CCDC141: variants seen among roughly 807,000 people sequenced by gnomAD.
CCDC141 encodes coiled-coil domain containing 141.
Under a neutral mutation model 181.0 loss-of-function variants are expected in CCDC141, and 168 were observed. That is an observed-to-expected ratio of 0.93 (90% CI 0.82 to 1.05). The LOEUF (loss-of-function observed/expected upper bound fraction) is 1.05. Ranked by LOEUF, CCDC141 falls within the 50% of genes least tolerant of loss-of-function variation. The pLI, the probability that CCDC141 is intolerant of heterozygous loss-of-function variation, is 0.00. For synonymous variants in CCDC141, 666 were observed against 642.3 expected (o/e 1.04, Z -0.56); for missense variants, 1,902 against 1,788.5 (o/e 1.06, Z -1.14).
intron 7 of CCDC141, among the ~76,000 whole-genome samples, chr2:178,913,656 G>A (rs1039279812): frequency 2.0e-5 from 3 of 152,118 alleles, no homozygotes; most frequent in African/African-American, 7.2e-5. Context: ...CTTCTTAAAG[G>A]ACATTAATGT....
intron 21 of CCDC141, among the ~76,000 whole-genome samples, chr2:178,846,948 G>A (rs62175453): frequency 0.16 from 24,906 of 152,172 alleles, 2,459 homozygotes; most frequent in Non-Finnish European, 0.22. Flanking sequence ...ACTTTGAAAA[G>A]AGAGCCATAG....
intron 7 of CCDC141, among the ~76,000 whole-genome samples, chr2:178,914,549 A>C (rs886180157): frequency 2.0e-5 from 3 of 152,206 alleles, no homozygotes; most frequent in African/African-American, 7.2e-5. Flanking sequence ...GGTAATCATC[A>C]AACCCTAGCA....
intron 7 of CCDC141, among the ~76,000 whole-genome samples, chr2:178,906,230 A>T (rs1424355055): frequency 6.6e-6 from 1 of 152,218 alleles, no homozygotes; most frequent in African/African-American, 2.4e-5. Context: ...TTATTAGCAG[A>T]TCAACAACCC....
intron 2 of CCDC141, among the ~76,000 whole-genome samples, chr2:179,012,955 G>A (rs547767212): frequency 1.3e-5 from 2 of 152,136 alleles, no homozygotes; most frequent in Middle Eastern, 3.4e-3. Context: ...CAGCATACAA[G>A]GGACATACCT....
At chr2:178,923,144 G>T (rs537932472) in intron 6 of CCDC141, among the ~76,000 whole-genome samples, 2 of 137,064 alleles carry the variant, frequency 1.5e-5, no homozygotes, top group Non-Finnish European at 1.5e-5. Context: ...TCGCTCTGTC[G>T]CCCAGGCTGG....
chr2:178,902,686 A>G, intron 8 of CCDC141, among the ~76,000 whole-genome samples: 1 of 151,536 alleles, frequency 6.6e-6, no homozygotes, highest in Admixed American at 6.7e-5. Flanking sequence ...CATTCAGGAC[A>G]TAGGCATGGG....
At chr2:178,987,513 C>T (rs1016169886) in intron 2 of CCDC141, among the ~76,000 whole-genome samples, 2 of 151,966 alleles carry the variant, frequency 1.3e-5, no homozygotes, top group African/African-American at 4.8e-5. Flanking sequence ...AAAGAAACTA[C>T]CATCAGAGTG....
chr2:179,007,585 CA>C (rs1413347585), intron 2 of CCDC141, among the ~76,000 whole-genome samples: 1 of 152,108 alleles, frequency 6.6e-6, no homozygotes, highest in East Asian at 1.9e-4. Flanking sequence ...TCTCTAGACA[CA>C]AAATGTCTAA....
Position 178,831,284 on chromosome 2 carries a change from G to A in CCDC141, c.*2889C>T, listed in dbSNP as rs2154365201. On this transcript the variant is annotated 3_prime_UTR_variant, in exon 24 of 24. Transcript: ENST00000443758. Reference sequence around the variant, plus strand: ...CAAAGCTGGAAAACTCAATGATTTTGCCTTATGAAAACTTAAAAACATTTT... The same window carrying A: ...CAAAGCTGGAAAACTCAATGATTTTACCTTATGAAAACTTAAAAACATTTT... 1 of 152,180 alleles carries A rather than the reference G, an allele frequency of 6.6e-6. No homozygotes were observed. The highest frequency in any genetic ancestry group is 1.9e-4 in the East Asian group (1 of 5,180). 9.4% of individuals were successfully genotyped at this position (152,180 alleles called of 1,614,324 possible).
At chr2:178,870,258 A>T (rs1686055963) in intron 14 of CCDC141, among the ~76,000 whole-genome samples, 1 of 147,520 alleles carries the variant, frequency 6.8e-6, no homozygotes, top group Non-Finnish European at 1.5e-5. Context: ...AAAAAAAGAC[A>T]GTGAGAGAAA....
intron 17 of CCDC141, among the ~76,000 whole-genome samples, chr2:178,861,788 T>C (rs1242132003): frequency 6.6e-6 from 1 of 152,192 alleles, no homozygotes; most frequent in Admixed American, 6.5e-5. Context: ...TGTATTCTTA[T>C]GGCTTGGTAC....
At chr2:178,979,552 GA>G (rs1691274345) in intron 2 of CCDC141, among the ~76,000 whole-genome samples, 2 of 151,966 alleles carry the variant, frequency 1.3e-5, no homozygotes, top group Admixed American at 6.6e-5. Flanking sequence ...TCAGAGTGAG[GA>G]AAAAAAGGCA....
At chr2:178,855,241 A>G in intron 19 of CCDC141, 106 bp downstream of exon 19, 1 of 875,632 alleles carries the variant, frequency 1.1e-6, no homozygotes, top group Non-Finnish European at 1.8e-6. Context: ...GGAGCATGAT[A>G]CATGAATATA....
chr2:178,861,550 TGCTTGAACCCAGGAG>T (rs1311971962), intron 17 of CCDC141, among the ~76,000 whole-genome samples: 1 of 150,486 alleles, frequency 6.6e-6, no homozygotes. Flanking sequence ...GCAGGAAAAT[TGCTTGAACCCAGGAG>T]GCAGAGGTTG....
At chr2:178,924,831 C>T (rs1358960091) in intron 6 of CCDC141, among the ~76,000 whole-genome samples, 8 of 152,200 alleles carry the variant, frequency 5.3e-5, no homozygotes, top group Non-Finnish European at 1.5e-5. Flanking sequence ...ACCTCCCAGA[C>T]ATATGGTAGA....
chr2:179,028,430 C>A (rs1018922817), intron 2 of CCDC141, among the ~76,000 whole-genome samples: 21 of 152,200 alleles, frequency 1.4e-4, no homozygotes, highest in African/African-American at 5.1e-4. Flanking sequence ...CTTACTACTG[C>A]AGATTTTTCT....
At chr2:178,899,837 T>G (rs965304519) in intron 8 of CCDC141, among the ~76,000 whole-genome samples, 1 of 152,186 alleles carries the variant, frequency 6.6e-6, no homozygotes, top group African/African-American at 2.4e-5. Flanking sequence ...TACATTCTAT[T>G]TCTTTCCTGT....
intron 4 of CCDC141, among the ~76,000 whole-genome samples, chr2:178,973,984 A>G (rs1691013526): frequency 6.6e-6 from 1 of 152,186 alleles, no homozygotes; most frequent in Non-Finnish European, 1.5e-5. Flanking sequence ...CCTATTAGTG[A>G]TAGGTCCTAT....
At chr2:179,005,421 A>G (rs1317803065) in intron 2 of CCDC141, among the ~76,000 whole-genome samples, 1 of 152,216 alleles carries the variant, frequency 6.6e-6, no homozygotes, top group African/African-American at 2.4e-5. Flanking sequence ...AAGACAGCAA[A>G]TTAATTCAAA....
Sources: gnomAD v4.1 joint callset for allele counts (sites outside exome capture counted in the v4.1 genomes callset) on GRCh38, gnomAD v4.1.1 for gene constraint, MANE v1.5 for transcripts, NCBI Gene and HGNC (gene_info 2026-07-23, HGNC 2026-07-21) for gene names.